The following PPP1R12B variants were observed in gnomAD, a reference collection of about 807,000 sequenced individuals.
The protein encoded by PPP1R12B is myosin phosphatase target subunit 2.
A neutral mutation model predicts 126.1 loss-of-function variants in PPP1R12B; 76 were observed. The ratio of observed to expected loss-of-function variants is 0.60; its 90% CI spans 0.50 to 0.73. The LOEUF is 0.73. Among genes scored for constraint, PPP1R12B ranks in the 30% least tolerant of loss-of-function variants. The probability of loss-of-function intolerance (pLI) is 0.00; values close to 1 mark genes in which losing one functional copy is unlikely to be tolerated. For synonymous variants in PPP1R12B, 356 were observed against 434.7 expected (o/e 0.82, Z 2.25); for missense variants, 1,052 against 1,205.1 (o/e 0.87, Z 1.88).
At chr1:202,461,851 A>G (rs1674341095) in intron 13 of PPP1R12B, among the ~76,000 whole-genome samples, 1 of 152,128 alleles carries the variant, frequency 6.6e-6, no homozygotes, top group Non-Finnish European at 1.5e-5. Context: ...GCATTTGAAC[A>G]TTTATATGAG....
At chr1:202,467,479 G>A (rs1675190163) in intron 13 of PPP1R12B, among the ~76,000 whole-genome samples, 1 of 151,904 alleles carries the variant, frequency 6.6e-6, no homozygotes, top group African/African-American at 2.4e-5. Flanking sequence ...GCGGTGTTTG[G>A]TTTTTTGTCC....
At chr1:202,376,961 G>T (rs1571684471) in intron 1 of PPP1R12B, among the ~76,000 whole-genome samples, 1 of 152,152 alleles carries the variant, frequency 6.6e-6, no homozygotes, top group East Asian at 1.9e-4. Flanking sequence ...AACATTATGA[G>T]ATTTTTTTGG....
In PPP1R12B at chr1:202,562,879, T is replaced by C. The variant is rs754165779; in HGVS notation, c.2609T>C (p.Leu870Pro). Reference protein sequence around the residue: ...REAREARLATLTSRVEEDSNR... With the variant: ...REAREARLATPTSRVEEDSNR... ...GCCCGGGAGGCCCGCCTAGCCACCC[T>C]GACCAGCCGTGTAGAAGAAGACAGC... The change falls in exon 20 of 24, where the codon CTG becomes CCG. Residue 870 changes from leucine to proline, a missense_variant. Leu to Pro is a moderately conservative substitution (Grantham distance 98). Transcript: ENST00000608999. The C allele has an allele frequency of 6.2e-7, 1 of 1,606,310 alleles. No homozygotes were observed.
At chr1:202,447,942 G>GT (rs35067891) in intron 12 of PPP1R12B, among the ~76,000 whole-genome samples, 261 of 150,888 alleles carry the variant, frequency 1.7e-3, no homozygotes, top group Non-Finnish European at 3.2e-3. Context: ...AGTAGCATGT[G>GT]TTTTTTTAGA....
rs1690037731 is a variant in PPP1R12B, at chr1:202,589,850, C to G, written c.*9290C>G. The G allele has an allele frequency of 6.6e-6, 1 of 152,280 alleles. No individual in the cohort carries two copies. The allele number at this position is 152,280 out of a possible 1,614,324, so 9.4% of individuals were successfully genotyped here. ...TCCCATCCCTGCTTGCATTCACTGC[C>G]CCCATGCCTTTGGACCTGATGGACA... On this transcript the variant is annotated 3_prime_UTR_variant, in exon 24 of 24. Transcript: ENST00000608999.
chr1:202,472,702 A>G (rs535555743), intron 13 of PPP1R12B, among the ~76,000 whole-genome samples: 1 of 152,354 alleles, frequency 6.6e-6, no homozygotes, highest in Non-Finnish European at 1.5e-5. Flanking sequence ...CACTTTCTCT[A>G]AAGCAAAAGG....
At chr1:202,482,493 T>G (rs545377640) in intron 13 of PPP1R12B, among the ~76,000 whole-genome samples, 1 of 152,366 alleles carries the variant, frequency 6.6e-6, no homozygotes, top group African/African-American at 2.4e-5. Flanking sequence ...GTTTGTGATG[T>G]TGACCATTTT....
intron 6 of PPP1R12B, among the ~76,000 whole-genome samples, chr1:202,429,868 A>C (rs1349775435): frequency 6.6e-6 from 1 of 152,218 alleles, no homozygotes; most frequent in African/African-American, 2.4e-5. Flanking sequence ...TGTTGTGTTC[A>C]GCATTATGTC....
chr1:202,564,307 G>C (rs914250731), intron 20 of PPP1R12B, 136 bp from the exon 21 acceptor site: 1 of 563,520 alleles, frequency 1.8e-6, no homozygotes, highest in Non-Finnish European at 3.1e-6. Context: ...AATGTACTCT[G>C]CTCCCTACCC....
intron 12 of PPP1R12B, among the ~76,000 whole-genome samples, chr1:202,446,597 A>C (rs1039094837): frequency 6.7e-6 from 1 of 148,590 alleles, no homozygotes; most frequent in African/African-American, 2.5e-5. Flanking sequence ...TATATATTAT[A>C]TAATAATACT....
rs3077313 is a variant in PPP1R12B at position 202,446,213 on chromosome 1, A to ACTCT, written c.1668-2755_1668-2752dup. Reference sequence around the variant, plus strand: ...GAGGTTATTATTACTATATTATATTACTCTCTCTCTCTCTCTCTCTCTCTA... The same window carrying ACTCT: ...GAGGTTATTATTACTATATTATATTACTCTCTCTCTCTCTCTCTCTCTCTCTCTA... On this transcript the variant is annotated intron_variant, in intron 12 of 23. Coordinates refer to ENST00000608999, the MANE Select transcript of PPP1R12B (RefSeq NM_002481.4). 9.0e-3 allele frequency among the ~76,000 whole-genome samples: 579 copies of ACTCT among 64,266 alleles called. 2 individuals carry two copies. Among genetic ancestry groups the ACTCT allele is most frequent in the East Asian group, 0.015 (24 of 1,552 alleles). 42.2% of individuals were successfully genotyped at this position (64,266 alleles called of 152,430 possible).
intron 1 of PPP1R12B, among the ~76,000 whole-genome samples, chr1:202,409,035 C>T (rs767859458): frequency 4.6e-5 from 7 of 151,192 alleles, no homozygotes; most frequent in Non-Finnish European, 7.4e-5. Context: ...GACAAGGTTT[C>T]GCCATGTTGC....
At chr1:202,437,463 T>G (rs981276717) in intron 9 of PPP1R12B, among the ~76,000 whole-genome samples, 3 of 152,210 alleles carry the variant, frequency 2.0e-5, no homozygotes, top group Non-Finnish European at 4.4e-5. Flanking sequence ...TAAAGTATCT[T>G]ATATTCAGTT....
rs564830826 is a variant in PPP1R12B, at chr1:202,496,802, G to A, written c.2470G>A (p.Glu824Lys). 78 of 1,612,778 alleles carry A rather than the reference G, an allele frequency of 4.8e-5. No individual in the cohort carries two copies. The highest frequency in any genetic ancestry group is 3.0e-4 in the Admixed American group (18 of 59,974). The part of the protein sequence containing the change: ...TKDEDETDGS[E>K]EVKETWHERL... ...TTAGGAGGATGAAACTGATGGCTCT[G>A]AAGAGGTCAAAGAAACGTGGGTAAG... Residue 824 changes from glutamate (E) to lysine (K), a missense_variant, in exon 18 of 24, where the codon GAA becomes AAA. Coordinates refer to ENST00000608999, the MANE Select transcript of PPP1R12B (RefSeq NM_002481.4).
intron 1 of PPP1R12B, among the ~76,000 whole-genome samples, chr1:202,353,629 T>TGTGTGTGA (rs540599307): frequency 0.074 from 10,240 of 137,524 alleles, 555 homozygotes; most frequent in Admixed American, 0.13. Context: ...TGTGTGTGTG[T>TGTGTGTGA]GACAGGGTCT....
chr1:202,455,407 G>T lies in PPP1R12B; in HGVS notation c.1850+6236G>T, dbSNP rs114269248. On this transcript the variant is annotated intron_variant, in intron 13 of 23. Transcript: ENST00000608999. ...TTCCCCCTAGGCCTAAGCAACCACT[G>T]ATCTACTTTTTGTCTATAGATTTGC... Among the ~76,000 whole-genome samples the T allele has an allele frequency of 8.0e-3, 1,212 of 152,104 alleles. 3 individuals carry two copies. The highest frequency in any genetic ancestry group is 0.014 in the Middle Eastern group (4 of 294).
intron 23 of PPP1R12B, chr1:202,577,286 CAT>C (rs1689176009): frequency 6.6e-6 from 1 of 152,166 alleles, no homozygotes; most frequent in Non-Finnish European, 1.5e-5. Flanking sequence ...TATTTTACGA[CAT>C]ATGAACACGA....
chr1:202,490,864 T>A (rs1277650097), intron 14 of PPP1R12B, among the ~76,000 whole-genome samples: 2 of 152,362 alleles, frequency 1.3e-5, no homozygotes, highest in South Asian at 2.1e-4. Flanking sequence ...TCCATTCATC[T>A]GTCAGTGGAC....
chr1:202,423,171 A>G (rs1005421980), intron 3 of PPP1R12B, among the ~76,000 whole-genome samples: 1 of 152,222 alleles, frequency 6.6e-6, no homozygotes, highest in African/African-American at 2.4e-5. Context: ...GAGAATTAGT[A>G]TGATAATTTG....
Sources: allele counts gnomAD v4.1 joint callset (sites outside exome capture counted in the v4.1 genomes callset), GRCh38; gene constraint gnomAD v4.1.1; transcripts MANE v1.5; gene names NCBI Gene and HGNC (gene_info 2026-07-23, HGNC 2026-07-21).